Variants in CLCA4 observed in about 807,000 individuals in gnomAD.
CLCA4 encodes chloride channel accessory 4.
CLCA4 carries 69 observed loss-of-function variants against 78.9 expected under a neutral mutation model. The ratio of observed to expected loss-of-function variants is 0.87; its 90% confidence interval spans 0.72 to 1.07. CLCA4 has a LOEUF of 1.07. Among genes scored for constraint, CLCA4 ranks in the 50% least tolerant of loss-of-function variants. CLCA4 has a pLI of 0.00. For missense variants in CLCA4, 1,133 were observed against 1,095.8 expected (o/e 1.03, Z -0.48); for synonymous variants, 362 against 375.8 (o/e 0.96, Z 0.42).
rs189996621 is a variant in CLCA4, at chr1:86,574,542, C to A, written c.1470C>A (p.Leu490=). ...AATTTTGAAATCTATTTAAACAGCT[C>A]GAAAGTAAGGGATTAACACTGAATA... ...NTDLSQKSLQ[L]ESKGLTLNSN... is the part of the protein sequence containing the mutation. Residue 490 remains leucine, a splice_region_variant and synonymous_variant, in exon 10 of 14, where the codon CTC becomes CTA. Coordinates refer to ENST00000370563, the MANE Select transcript of CLCA4 (RefSeq NM_012128.4). 1 of 1,609,538 alleles carries A rather than the reference C, an allele frequency of 6.2e-7. No homozygotes were observed. Among genetic ancestry groups the A allele is most frequent in the East Asian group, 2.2e-5 (1 of 44,804 alleles).
At chr1:86,571,994 C>A (rs1482697335) in intron 8 of CLCA4, among the ~76,000 whole-genome samples, 1 of 152,026 alleles carries the variant, frequency 6.6e-6, no homozygotes, top group African/African-American at 2.4e-5. Flanking sequence ...CACATCATTT[C>A]AAAGTCCTTT....
At chr1:86,558,343 T>C (rs934474188) in intron 1 of CLCA4, among the ~76,000 whole-genome samples, 22 of 152,324 alleles carry the variant, frequency 1.4e-4, no homozygotes, top group Admixed American at 4.6e-4. Flanking sequence ...TATTAGCTGG[T>C]AACAGTCTTT....
intron 1 of CLCA4, among the ~76,000 whole-genome samples, chr1:86,558,781 C>T (rs994826824): frequency 1.3e-5 from 2 of 152,128 alleles, no homozygotes; most frequent in African/African-American, 4.8e-5. Flanking sequence ...CAATTATCTC[C>T]ACCTGGTCCC....
intron 6 of CLCA4, among the ~76,000 whole-genome samples, chr1:86,566,809 C>A (rs986731249): frequency 1.3e-5 from 2 of 151,994 alleles, no homozygotes; most frequent in African/African-American, 4.8e-5. Context: ...CTTAGACAAT[C>A]CCCTCCGAAA....
Position 86,574,559 on chromosome 1 carries a change from C to T in CLCA4, c.1487C>T (p.Thr496Ile). ...AAACAGCTCGAAAGTAAGGGATTAA[C>T]ACTGAATAGTAATGCCTGGATGAAC... ...KSLQLESKGL[T>I]LNSNAWMNDT... Residue 496 changes from threonine to isoleucine, a missense_variant, in exon 10 of 14, where the codon ACA becomes ATA. Coordinates refer to ENST00000370563, the MANE Select transcript of CLCA4 (RefSeq NM_012128.4). 6.2e-7 allele frequency: 1 copy of T among 1,612,292 alleles called. No individual in the cohort carries two copies. The highest frequency in any genetic ancestry group is 8.5e-7 in the Non-Finnish European group (1 of 1,178,646).
intron 3 of CLCA4, among the ~76,000 whole-genome samples, chr1:86,562,214 G>C (rs953225646): frequency 9.9e-5 from 15 of 152,154 alleles, no homozygotes; most frequent in African/African-American, 3.6e-4. Context: ...TTTTAAGGTG[G>C]GCATGGGAGG....
At position 86,577,926 on chromosome 1, in the gene CLCA4, G is replaced by A; in HGVS notation, c.1976G>A (p.Gly659Glu). The A allele has an allele frequency of 6.2e-7, 1 of 1,611,598 alleles. No homozygotes were observed. The highest frequency in any genetic ancestry group is 8.5e-7 in the Non-Finnish European group (1 of 1,178,850). ...GAGADSFKND[G>E]VYSRYFTAYT... Reference sequence around the variant, plus strand: ...GGCGCTGATTCTTTCAAGAATGATGGAGTCTACTCCAGGTATTTTACAGCA... The same window carrying A: ...GGCGCTGATTCTTTCAAGAATGATGAAGTCTACTCCAGGTATTTTACAGCA... The change falls in exon 12 of 14, where the codon GGA becomes GAA. Residue 659 changes from glycine (G) to glutamate (E), a missense_variant. Transcript: ENST00000370563.
In CLCA4 at chr1:86,560,325, C is replaced by T; in HGVS notation, c.415C>T (p.Leu139Phe). Reference protein sequence around the residue: ...EYIHFTPDLLLGKKQNEYGPP... With the variant: ...EYIHFTPDLLFGKKQNEYGPP... ...CATTCACTTCACCCCTGACCTTCTA[C>T]TTGGAAAAAAACAAAATGAATATGG... Residue 139 changes from leucine (L) to phenylalanine (F), a missense_variant, in exon 3 of 14, where the codon CTT (leucine) becomes TTT (phenylalanine). By Grantham distance (22) the Leu-to-Phe change is conservative. Transcript: ENST00000370563. 2 of 1,613,828 alleles carry T rather than the reference C, an allele frequency of 1.2e-6. No individual in the cohort carries two copies. The highest frequency in any genetic ancestry group is 1.7e-6 in the Non-Finnish European group (2 of 1,179,872).
At position 86,567,585 on chromosome 1, in the gene CLCA4, G is replaced by T; in HGVS notation, c.1116G>T (p.Met372Ile). 1 of 1,613,296 alleles carries T rather than the reference G, an allele frequency of 6.2e-7. No homozygotes were observed. Among genetic ancestry groups the T allele is most frequent in the South Asian group, 1.1e-5 (1 of 91,060 alleles). ...IKSSDERNTLMAGLPTYPLGG... is the reference protein window; with the variant it reads ...IKSSDERNTLIAGLPTYPLGG... ...GCAGTGATGAAAGAAACACACTCAT[G>T]GCAGGATTACCTACATATCCTCTGG... The change falls in exon 7 of 14, where the codon ATG (methionine) becomes ATT (isoleucine). Residue 372 changes from methionine to isoleucine, a missense_variant. Physicochemically the swap from Met to Ile is conservative, Grantham distance 10. Coordinates refer to ENST00000370563, the MANE Select transcript of CLCA4 (RefSeq NM_012128.4).
chr1:86,562,541 T>C (rs1469303832), intron 3 of CLCA4, among the ~76,000 whole-genome samples: 1 of 151,120 alleles, frequency 6.6e-6, no homozygotes, highest in Non-Finnish European at 1.5e-5. Flanking sequence ...AACCACAGTT[T>C]GAATAGCAAA....
intron 1 of CLCA4, chr1:86,553,068 G>T: frequency 1.5e-6 from 1 of 671,672 alleles, no homozygotes; most frequent in Non-Finnish European, 2.7e-6. Context: ...TGAAGACCAA[G>T]TGGTCCAGCG....
chr1:86,552,758 TC>T, intron 1 of CLCA4: 1 of 1,430,056 alleles, frequency 7.0e-7, no homozygotes, highest in Non-Finnish European at 9.8e-7. Context: ...ATCATGCCTG[TC>T]AGTACTGTGT....
rs952121137 is a variant in CLCA4, at chr1:86,565,925, C to A, written c.859C>A (p.Pro287Thr). 7 of 1,612,814 alleles carry A rather than the reference C, an allele frequency of 4.3e-6. No individual in the cohort carries two copies. The highest frequency in any genetic ancestry group is 2.7e-5 in the African/African-American group (2 of 74,828). ...SNSEDFKNTI[P>T]MVTPPPPPVF... is the part of the protein sequence containing the mutation. ...TTCTGAGGATTTTAAAAACACCATA[C>A]CCATGGTGACACCACCTCCTCCACC... is the stretch of plus-strand genomic sequence containing the variant. Residue 287 changes from proline to threonine, a missense_variant, in exon 6 of 14, where the codon CCC becomes ACC. By Grantham distance (38) the Pro-to-Thr change is conservative. Transcript: ENST00000370563.
intron 1 of CLCA4, among the ~76,000 whole-genome samples, chr1:86,548,763 A>C (rs553252997): frequency 1.3e-5 from 2 of 151,966 alleles, no homozygotes; most frequent in East Asian, 3.9e-4. Context: ...AATAGTTAAT[A>C]ATTATTATGG....
chr1:86,555,367 G>T (rs1423761513), intron 1 of CLCA4, among the ~76,000 whole-genome samples: 1 of 152,148 alleles, frequency 6.6e-6, no homozygotes, highest in Non-Finnish European at 1.5e-5. Flanking sequence ...TTAATCTTGA[G>T]TTGATTTTTA....
intron 3 of CLCA4, among the ~76,000 whole-genome samples, chr1:86,560,703 C>T (rs891623014): frequency 6.6e-6 from 1 of 152,190 alleles, no homozygotes; most frequent in African/African-American, 2.4e-5. Flanking sequence ...TTCCACTTCT[C>T]CATAGCTGGA....
intron 1 of CLCA4, chr1:86,552,726 AG>A: frequency 7.1e-7 from 1 of 1,417,904 alleles, no homozygotes; most frequent in Non-Finnish European, 9.9e-7. Context: ...AGCCCTTCAC[AG>A]GGGCCCGGCC....
At chr1:86,563,540 T>G (rs985525704) in intron 3 of CLCA4, 121 bp from the exon 4 acceptor site, 3 of 512,744 alleles carry the variant, frequency 5.9e-6, no homozygotes, top group Non-Finnish European at 1.0e-5. Flanking sequence ...AATATAAATG[T>G]TGATAGTTGT....
At chr1:86,571,568 TG>T (rs1207946307) in intron 8 of CLCA4, among the ~76,000 whole-genome samples, 2 of 152,042 alleles carry the variant, frequency 1.3e-5, no homozygotes, top group African/African-American at 4.8e-5. Flanking sequence ...CAAAACTAGC[TG>T]AATTCTGAGC....
Sources: gnomAD v4.1 joint callset for allele counts (sites outside exome capture counted in the v4.1 genomes callset) on GRCh38, gnomAD v4.1.1 for gene constraint, MANE v1.5 for transcripts, NCBI Gene and HGNC (gene_info 2026-07-23, HGNC 2026-07-21) for gene names.